The following ABCA9 variants were observed in gnomAD, a reference collection of about 807,000 sequenced individuals.
The protein encoded by ABCA9 is ATP-binding cassette sub-family A member 9.
A neutral mutation model predicts 205.3 loss-of-function variants in ABCA9; 183 were observed. The ratio of observed to expected loss-of-function variants is 0.89; its 90% CI spans 0.79 to 1.01. ABCA9 has a LOEUF of 1.01. Ranked by LOEUF, ABCA9 falls within the 50% of genes least tolerant of loss-of-function variation. ABCA9 has a pLI of 0.00. For missense variants in ABCA9, 1,805 were observed against 1,912.4 expected, an observed-to-expected ratio of 0.94 and a Z score of 1.05; for synonymous variants, 651 against 683.3, an observed-to-expected ratio of 0.95 and a Z score of 0.74.
Position 68,988,477 on chromosome 17 carries a change from C to T in ABCA9, c.4047+550G>A, listed in dbSNP as rs181644203. ...CCTCAACTGCTCTATCACTACATTA[C>T]ATCATCAGGGCCAAGAAATGTTTCA... On this transcript the variant is annotated intron_variant, in intron 31 of 38. Coordinates refer to ENST00000340001, the MANE Select transcript of ABCA9 (RefSeq NM_080283.4). Among the ~76,000 whole-genome samples, 5 of 152,318 alleles carry T rather than the reference C, an allele frequency of 3.3e-5. No individual in the cohort carries two copies. The East Asian group carries it at 9.6e-4, about 29-fold the overall frequency.
intron 23 of ABCA9, among the ~76,000 whole-genome samples, chr17:69,009,564 C>T (rs1489185234): frequency 6.6e-6 from 1 of 152,130 alleles, no homozygotes; most frequent in Non-Finnish European, 1.5e-5. Flanking sequence ...CAATCCTGCT[C>T]CTTGGTATGA....
At chr17:69,034,603 A>G (rs2071273034) in intron 8 of ABCA9, 1 of 152,172 alleles carries the variant, frequency 6.6e-6, no homozygotes, top group Admixed American at 6.5e-5. Flanking sequence ...ACCAATGGAC[A>G]TTTACGTTGT....
chr17:69,035,347 C>T lies in ABCA9; in HGVS notation c.1027G>A (p.Gly343Arg), dbSNP rs943577322. 1 of 1,610,282 alleles carries T rather than the reference C, an allele frequency of 6.2e-7. No individual in the cohort carries two copies. The highest frequency in any genetic ancestry group is 8.5e-7 in the Non-Finnish European group (1 of 1,177,980). Reference sequence around the variant, plus strand: ...TACAATGCTGGGAATCCCAGGATCCCCCAAAAGACAATAAGGAGAAACACA... The same window carrying T: ...TACAATGCTGGGAATCCCAGGATCCTCCAAAAGACAATAAGGAGAAACACA... ...LVVFLLIVFW[G>R]ILGFPALYTR... The change falls in exon 8 of 39, where the codon GGG (glycine) becomes AGG (arginine). Residue 343 changes from glycine to arginine, a missense_variant. Transcript: ENST00000340001.
chr17:69,041,729 T>TTATCTATCTATCTATC (rs4020779), intron 6 of ABCA9, among the ~76,000 whole-genome samples: 7,845 of 149,386 alleles, frequency 0.053, 215 homozygotes, highest in East Asian at 0.07. Context: ...AAGAAAGAAA[T>TTATCTATCTATCTATC]TATCTATCTA....
chr17:69,010,222 T>C (rs1418375876), intron 23 of ABCA9, among the ~76,000 whole-genome samples: 4 of 150,842 alleles, frequency 2.7e-5, no homozygotes, highest in African/African-American at 7.3e-5. Context: ...GTACCATGCA[T>C]AGATTTTTAA....
intron 3 of ABCA9, among the ~76,000 whole-genome samples, chr17:69,047,741 T>G (rs578158977): frequency 6.6e-6 from 1 of 152,306 alleles, no homozygotes; most frequent in African/African-American, 2.4e-5. Context: ...CATGCCTAAG[T>G]TGCAAAACCT....
At chr17:69,012,174 G>C (rs2070404053) in intron 22 of ABCA9, 91 bp from the exon 23 acceptor site, 2 of 859,982 alleles carry the variant, frequency 2.3e-6, no homozygotes, top group South Asian at 3.9e-5. Context: ...TAAATGAATT[G>C]AGCTGATCAC....
chr17:68,997,363 C>T (rs935668038), intron 25 of ABCA9, among the ~76,000 whole-genome samples: 2 of 152,068 alleles, frequency 1.3e-5, no homozygotes, highest in African/African-American at 2.4e-5. Context: ...TTTATGCTTG[C>T]TTTACAAAAG....
intron 6 of ABCA9, among the ~76,000 whole-genome samples, chr17:69,040,873 T>C (rs898533428): frequency 4.6e-4 from 70 of 152,128 alleles, no homozygotes; most frequent in Non-Finnish European, 2.5e-4. Context: ...TATGAAGATA[T>C]CTTTTCCCTT....
At chr17:69,043,396 C>T (rs1238451140) in intron 6 of ABCA9, 93 bp downstream of exon 6, 10 of 998,636 alleles carry the variant, frequency 1.0e-5, no homozygotes, top group African/African-American at 1.6e-5. Context: ...CAGTCTGTGG[C>T]CTGGGGCTTG....
intron 16 of ABCA9, among the ~76,000 whole-genome samples, chr17:69,026,027 G>A (rs1285851251): frequency 6.6e-6 from 1 of 151,842 alleles, no homozygotes; most frequent in Non-Finnish European, 1.5e-5. Context: ...ATGAAGTCAG[G>A]GAGAATACAG....
intron 6 of ABCA9, 200 bp downstream of exon 6, chr17:69,043,289 T>C (rs2071606139): frequency 3.9e-6 from 2 of 512,734 alleles, no homozygotes; most frequent in South Asian, 2.8e-5. Context: ...ATGTGAGCAA[T>C]AGGGAGTGGC....
At chr17:69,052,663 C>A (rs2071945293) in intron 1 of ABCA9, among the ~76,000 whole-genome samples, 1 of 152,142 alleles carries the variant, frequency 6.6e-6, no homozygotes. Context: ...CTGTGGACAC[C>A]AACTGGGTGA....
At chr17:68,977,083 T>C (rs2068910131) in intron 37 of ABCA9, among the ~76,000 whole-genome samples, 1 of 151,986 alleles carries the variant, frequency 6.6e-6, no homozygotes, top group Non-Finnish European at 1.5e-5. Context: ...ACTTGTAGAG[T>C]TTAGAGAAGC....
chr17:69,013,876 G>C lies in ABCA9; in HGVS notation c.3040-1793C>G, dbSNP rs575059024. Among the ~76,000 whole-genome samples the C allele has an allele frequency of 5.9e-5, 9 of 152,228 alleles. 1 individual carries two copies. In the South Asian group the frequency reaches 1.9e-3, roughly 32 times the overall value. On this transcript the variant is annotated intron_variant, in intron 22 of 38. Transcript: ENST00000340001. ...GGAATAGGCTTACAAAATTGTAACA[G>C]AGAATGCCAGGAGCTGGGTGGGGAA...
At position 68,984,253 on chromosome 17, in the gene ABCA9, G is replaced by A. The variant is rs1598330130; in HGVS notation, c.4380-78C>T. On this transcript the variant is annotated intron_variant, in intron 34 of 38. Coordinates refer to ENST00000340001, the MANE Select transcript of ABCA9 (RefSeq NM_080283.4). ...GGAATTTTAAAAAGAAGTTTCCATC[G>A]ACGCAAAGATGAAACATGCAGCGAA... 8.9e-6 allele frequency: 14 copies of A among 1,565,902 alleles called. No individual in the cohort carries two copies. The East Asian group carries it at 2.0e-4, about 23-fold the overall frequency.
chr17:68,998,715 G>A (rs2069722806), intron 25 of ABCA9, among the ~76,000 whole-genome samples: 1 of 151,894 alleles, frequency 6.6e-6, no homozygotes, highest in South Asian at 2.1e-4. Flanking sequence ...TGCTGATTAT[G>A]GGGATTATCT....
intron 3 of ABCA9, among the ~76,000 whole-genome samples, chr17:69,046,914 A>AT (rs1567971370): frequency 1.8e-4 from 20 of 113,060 alleles, no homozygotes; most frequent in African/African-American, 6.2e-4. Flanking sequence ...TATATATATA[A>AT]AATTTTATAT....
intron 26 of ABCA9, among the ~76,000 whole-genome samples, chr17:68,995,141 A>G (rs2069575775): frequency 2.6e-5 from 4 of 152,184 alleles, no homozygotes; most frequent in Admixed American, 2.6e-4. Flanking sequence ...TCATCTTTCT[A>G]GAACTCACAA....
Sources: allele counts gnomAD v4.1 joint callset (sites outside exome capture counted in the v4.1 genomes callset), GRCh38; gene constraint gnomAD v4.1.1; transcripts MANE v1.5; gene names NCBI Gene and HGNC (gene_info 2026-07-23, HGNC 2026-07-21).